The following NRTN variants were observed in gnomAD, a reference collection of about 807,000 sequenced individuals.
The protein encoded by NRTN is prepro-neurturin.
In NRTN, 3 loss-of-function variants were observed where a neutral mutation model predicts 7.5. That is an observed-to-expected ratio of 0.40 (90% CI 0.18 to 1.03). NRTN has a LOEUF of 1.03. Ranked by LOEUF, NRTN falls within the 50% of genes least tolerant of loss-of-function variation. NRTN has a pLI of 0.34. For missense variants in NRTN, 310 were observed against 307.0 expected (o/e 1.01, Z -0.07); for synonymous variants, 157 against 146.6 (o/e 1.07, Z -0.51).
chr19:5,821,319 T>TC (rs1568399031), intron 1 of NRTN, among the ~76,000 whole-genome samples: 1 of 137,840 alleles, frequency 7.3e-6, no homozygotes, highest in Non-Finnish European at 1.5e-5. Context: ...TTTTTTTTTT[T>TC]TTTGCGACAG....
At chr19:5,822,864 T>A (rs574671270) in intron 1 of NRTN, among the ~76,000 whole-genome samples, 12 of 151,558 alleles carry the variant, frequency 7.9e-5, no homozygotes, top group Admixed American at 5.3e-4. Flanking sequence ...ACAAAAAAAA[T>A]TAAAAATTAG....
intron 1 of NRTN, among the ~76,000 whole-genome samples, chr19:5,821,621 G>GTTCATTCATTCATTCATTCA (rs3834829): frequency 4.1e-5 from 6 of 146,422 alleles, no homozygotes; most frequent in South Asian, 2.1e-4. Flanking sequence ...GCTTCTTTGT[G>GTTCATTCATTCATTCATTCA]TTCATTCATT....
In NRTN at chr19:5,815,125, G is replaced by A. The variant is rs911167921; in HGVS notation, c.-398-8643G>A. Among the ~76,000 whole-genome samples the A allele has an allele frequency of 7.2e-5, 11 of 152,184 alleles. No homozygotes were observed. The East Asian group carries it at 7.7e-4, about 11-fold the overall frequency. ...CCCTGGAATCTTTGCAGCTGTGGGC[G>A]TTGGTGGCGTGTTCACCTGTGCACC... On this transcript the variant is annotated intron_variant, in intron 1 of 2. Transcript: ENST00000303212.
At chr19:5,814,272 G>A (rs1399454889) in intron 1 of NRTN, among the ~76,000 whole-genome samples, 4 of 152,204 alleles carry the variant, frequency 2.6e-5, no homozygotes, top group African/African-American at 9.6e-5. Context: ...GGCTGGGCAA[G>A]AGGAAGGCAC....
At chr19:5,824,895 G>A (rs902939981) in intron 2 of NRTN, among the ~76,000 whole-genome samples, 3 of 152,128 alleles carry the variant, frequency 2.0e-5, no homozygotes, top group South Asian at 2.1e-4. Context: ...GGGGTCTTTC[G>A]GCTCAGCTGT....
intron 1 of NRTN, among the ~76,000 whole-genome samples, chr19:5,817,518 A>G (rs2057009174): frequency 7.5e-6 from 1 of 132,702 alleles, no homozygotes; most frequent in South Asian, 2.7e-4. Context: ...GGAGGGAGGG[A>G]GAGAGAGAGG....
At chr19:5,820,265 CAAAAAAAA>C (rs61584587) in intron 1 of NRTN, among the ~76,000 whole-genome samples, 1 of 84,540 alleles carries the variant, frequency 1.2e-5, no homozygotes, top group Admixed American at 1.5e-4. Flanking sequence ...GACTCCGTCT[CAAAAAAAA>C]AAAAAAAAAA....
At chr19:5,822,373 C>T (rs1262742560) in intron 1 of NRTN, among the ~76,000 whole-genome samples, 1 of 152,230 alleles carries the variant, frequency 6.6e-6, no homozygotes, top group Non-Finnish European at 1.5e-5. Context: ...TAAATGTTTA[C>T]ACCTGGCCGG....
chr19:5,811,082 C>CA (rs1489321912), intron 1 of NRTN, among the ~76,000 whole-genome samples: 6 of 151,458 alleles, frequency 4.0e-5, no homozygotes, highest in African/African-American at 7.3e-5. Flanking sequence ...ACTAAAAATA[C>CA]AAAAAAATTA....
intron 1 of NRTN, among the ~76,000 whole-genome samples, chr19:5,815,678 C>T (rs1053000257): frequency 4.0e-5 from 6 of 151,302 alleles, no homozygotes; most frequent in Non-Finnish European, 7.4e-5. Flanking sequence ...TCCAGGGATC[C>T]GCCTGCCTCA....
chr19:5,816,336 T>C (rs1377642091), intron 1 of NRTN, among the ~76,000 whole-genome samples: 3 of 152,214 alleles, frequency 2.0e-5, no homozygotes, highest in Admixed American at 6.5e-5. Flanking sequence ...TTGTCCTTCA[T>C]GACCTTGACT....
chr19:5,813,358 A>G (rs1000849993), intron 1 of NRTN, among the ~76,000 whole-genome samples: 3 of 151,198 alleles, frequency 2.0e-5, no homozygotes, highest in Admixed American at 2.0e-4. Context: ...AACATGGTGA[A>G]ACCCTGTCTC....
At chr19:5,817,807 T>C (rs921651342) in intron 1 of NRTN, among the ~76,000 whole-genome samples, 1 of 152,146 alleles carries the variant, frequency 6.6e-6, no homozygotes, top group Admixed American at 6.6e-5. Context: ...TGTTTTGTTT[T>C]GTTTCGTTTC....
chr19:5,827,731 C>A lies in NRTN; in HGVS notation c.170-18C>A. The stretch of plus-strand genomic sequence containing the variant: ...TGCACCCACTGACCCCCCCTCCTTT[C>A]TCTTCCTCCCCTCGCAGACCGTGCA... On this transcript the variant is annotated intron_variant, in intron 2 of 2. Coordinates refer to ENST00000303212, the MANE Select transcript of NRTN (RefSeq NM_004558.5). 2.3e-6 allele frequency: 2 copies of A among 858,344 alleles called. No individual in the cohort carries two copies. The highest frequency in any genetic ancestry group is 3.0e-6 in the Non-Finnish European group (2 of 671,898). 53.2% of individuals were successfully genotyped at this position (858,344 alleles called of 1,614,324 possible).
chr19:5,821,274 C>G (rs1474055789), intron 1 of NRTN, among the ~76,000 whole-genome samples: 1 of 139,698 alleles, frequency 7.2e-6, no homozygotes, highest in Non-Finnish European at 1.5e-5. Flanking sequence ...AATTCAGGAT[C>G]TGGGCCACCC....
chr19:5,811,699 ATTTGTTT>A (rs2056990973), intron 1 of NRTN, among the ~76,000 whole-genome samples: 1 of 141,394 alleles, frequency 7.1e-6, no homozygotes, highest in Non-Finnish European at 1.5e-5. Context: ...CACCCGGCTA[ATTTGTTT>A]TTTGTTTTTT....
At position 5,805,234 on chromosome 19, in the gene NRTN, A is replaced by AGCCCCC. The variant is rs1381254519; in HGVS notation, c.-612_-607dup. On this transcript the variant is annotated 5_prime_UTR_variant, in exon 1 of 3. Transcript: ENST00000303212. Reference sequence around the variant, plus strand: ...GTCCAGGGCACCCACCCCCAGCCCCAGCCCCCGCCGGCCCGGGATGGCCGC... The same window carrying AGCCCCC: ...GTCCAGGGCACCCACCCCCAGCCCCAGCCCCCGCCCCCGCCGGCCCGGGATGGCCGC... Among the ~76,000 whole-genome samples, 2 of 145,758 alleles carry AGCCCCC rather than the reference A, an allele frequency of 1.4e-5. No individual in the cohort carries two copies. Among genetic ancestry groups the AGCCCCC allele is most frequent in the Non-Finnish European group, 3.0e-5 (2 of 65,672 alleles).
In NRTN at chr19:5,827,729, T is replaced by C; in HGVS notation, c.170-20T>C. On this transcript the variant is annotated intron_variant, in intron 2 of 2. Transcript: ENST00000303212. The stretch of plus-strand genomic sequence containing the variant: ...CCTGCACCCACTGACCCCCCCTCCT[T>C]TCTCTTCCTCCCCTCGCAGACCGTG... The C allele has an allele frequency of 8.8e-7, 1 of 1,142,794 alleles. No individual in the cohort carries two copies. Among genetic ancestry groups the C allele is most frequent in the Non-Finnish European group, 1.1e-6 (1 of 917,896 alleles). 70.8% of individuals were successfully genotyped at this position (1,142,794 alleles called of 1,614,324 possible). A position where few individuals can be genotyped will look rare whatever the true frequency, so the allele number is the denominator to read the frequency against.
chr19:5,821,877 T>C (rs2057025915), intron 1 of NRTN, among the ~76,000 whole-genome samples: 1 of 152,186 alleles, frequency 6.6e-6, no homozygotes, highest in African/African-American at 2.4e-5. Context: ...GACTACAGCA[T>C]CTGCTCCCAA....
Sources: allele counts gnomAD v4.1 joint callset (sites outside exome capture counted in the v4.1 genomes callset), GRCh38; gene constraint gnomAD v4.1.1; transcripts MANE v1.5; gene names NCBI Gene and HGNC (gene_info 2026-07-23, HGNC 2026-07-21).